FOXP2: variants seen among roughly 807,000 people sequenced by gnomAD.
FOXP2 encodes forkhead box P2.
A neutral mutation model predicts 115.8 loss-of-function variants in FOXP2; 12 were observed. The ratio of observed to expected loss-of-function variants is 0.10; its 90% CI spans 0.07 to 0.17. The LOEUF (loss-of-function observed/expected upper bound fraction) is 0.17. Ranked by LOEUF, FOXP2 falls within the 10% of genes least tolerant of loss-of-function variation. The pLI is 1.00. For synonymous variants in FOXP2, 328 were observed against 297.7 expected, an observed-to-expected ratio of 1.10 and a Z score of -1.05; for missense variants, 629 against 843.5, an observed-to-expected ratio of 0.75 and a Z score of 3.15.
chr7:114,521,688 TA>T (rs34624120), intron 2 of FOXP2, among the ~76,000 whole-genome samples: 1 of 152,194 alleles, frequency 6.6e-6, no homozygotes, highest in East Asian at 1.9e-4. Context: ...GATCTTCACT[TA>T]AAAAAATAAT....
intron 3 of FOXP2, among the ~76,000 whole-genome samples, chr7:114,616,065 G>A (rs1803932378): frequency 6.6e-6 from 1 of 152,084 alleles, no homozygotes. Flanking sequence ...TATACCCTTT[G>A]CAAGGACAGG....
intron 1 of FOXP2, among the ~76,000 whole-genome samples, chr7:114,265,932 G>A (rs1323576302): frequency 6.6e-6 from 1 of 152,122 alleles, no homozygotes; most frequent in African/African-American, 2.4e-5. Flanking sequence ...CTGAGGTTGT[G>A]CAGGGCAATA....
intron 8 of FOXP2, among the ~76,000 whole-genome samples, chr7:114,646,014 G>A (rs1340010136): frequency 1.0e-5 from 1 of 100,166 alleles, no homozygotes; most frequent in African/African-American, 3.6e-5. Context: ...TATAAGCAAA[G>A]AGACCATTAA....
intron 10 of FOXP2, among the ~76,000 whole-genome samples, chr7:114,654,971 A>G (rs1563062552): frequency 6.6e-6 from 1 of 152,134 alleles, no homozygotes; most frequent in African/African-American, 2.4e-5. Flanking sequence ...TAGAGATTAT[A>G]TTTAAACTCT....
At chr7:114,541,532 C>T (rs1034762639) in intron 3 of FOXP2, among the ~76,000 whole-genome samples, 7 of 151,830 alleles carry the variant, frequency 4.6e-5, no homozygotes, top group Non-Finnish European at 7.4e-5. Context: ...CTTTTAAATC[C>T]CCCTCATTCT....
intron 16 of FOXP2, among the ~76,000 whole-genome samples, chr7:114,681,358 T>G (rs957384515): frequency 6.6e-6 from 1 of 152,184 alleles, no homozygotes; most frequent in Non-Finnish European, 1.5e-5. Flanking sequence ...GGCTTATATA[T>G]ATTGCTACAT....
chr7:114,122,981 T>C (rs1015025532), intron 1 of FOXP2, among the ~76,000 whole-genome samples: 1 of 152,080 alleles, frequency 6.6e-6, no homozygotes, highest in Non-Finnish European at 1.5e-5. Flanking sequence ...AGCTGACGAT[T>C]GGTATTGAAT....
intron 2 of FOXP2, among the ~76,000 whole-genome samples, chr7:114,314,727 T>C (rs1433184074): frequency 6.6e-6 from 1 of 152,094 alleles, no homozygotes; most frequent in Non-Finnish European, 1.5e-5. Flanking sequence ...CATTATAAAT[T>C]TGGAAAGAAG....
At chr7:114,492,022 C>T (rs1158917357) in intron 2 of FOXP2, among the ~76,000 whole-genome samples, 1 of 152,150 alleles carries the variant, frequency 6.6e-6, no homozygotes. Flanking sequence ...TAGAATTCGG[C>T]TGTGAATCCA....
At chr7:114,382,890 T>C (rs2129192205) in intron 2 of FOXP2, among the ~76,000 whole-genome samples, 1 of 152,290 alleles carries the variant, frequency 6.6e-6, no homozygotes, top group East Asian at 1.9e-4. Flanking sequence ...CATCATTGAA[T>C]AATTCATAGC....
intron 2 of FOXP2, among the ~76,000 whole-genome samples, chr7:114,490,118 T>G (rs1796965661): frequency 6.6e-6 from 1 of 152,158 alleles, no homozygotes; most frequent in African/African-American, 2.4e-5. Flanking sequence ...AATCTGCATA[T>G]GAATGTTTAT....
chr7:114,369,059 T>A (rs1267037870), intron 2 of FOXP2, among the ~76,000 whole-genome samples: 2 of 152,236 alleles, frequency 1.3e-5, no homozygotes, highest in Non-Finnish European at 2.9e-5. Flanking sequence ...ATGTTGTTTC[T>A]GGCTGCTAGC....
chr7:114,543,220 A>C (rs1466124122), intron 3 of FOXP2, among the ~76,000 whole-genome samples: 1 of 152,222 alleles, frequency 6.6e-6, no homozygotes, highest in Non-Finnish European at 1.5e-5. Context: ...AAATGCTAAT[A>C]AATTACTATA....
At chr7:114,355,064 G>T (rs1372558473) in intron 2 of FOXP2, among the ~76,000 whole-genome samples, 1 of 152,052 alleles carries the variant, frequency 6.6e-6, no homozygotes, top group African/African-American at 2.4e-5. Flanking sequence ...TTGTTCTGTG[G>T]TGATAGAGTA....
At chr7:114,581,525 ATATACCTCC>A (rs1433070291) in intron 3 of FOXP2, among the ~76,000 whole-genome samples, 1 of 152,110 alleles carries the variant, frequency 6.6e-6, no homozygotes, top group East Asian at 1.9e-4. Flanking sequence ...GGAGTTTCTC[ATATACCTCC>A]TACACACATA....
At chr7:114,372,713 T>A (rs1041182295) in intron 2 of FOXP2, among the ~76,000 whole-genome samples, 1 of 151,948 alleles carries the variant, frequency 6.6e-6, no homozygotes, top group Non-Finnish European at 1.5e-5. Flanking sequence ...CTGTTAGGGT[T>A]TTTTTTTGGT....
At chr7:114,302,042 C>T (rs566288882) in intron 2 of FOXP2, among the ~76,000 whole-genome samples, 26 of 152,248 alleles carry the variant, frequency 1.7e-4, no homozygotes, top group African/African-American at 4.6e-4. Flanking sequence ...ATCCCTGAGG[C>T]TGTTGATTAG....
intron 1 of FOXP2, among the ~76,000 whole-genome samples, chr7:114,212,787 AAAC>A (rs1448682531): frequency 2.6e-5 from 4 of 152,308 alleles, no homozygotes; most frequent in Middle Eastern, 3.4e-3. Context: ...TTTCTGAGAA[AAAC>A]AACAACAACA....
intron 1 of FOXP2, among the ~76,000 whole-genome samples, chr7:114,277,092 G>A (rs770301593): frequency 5.9e-5 from 9 of 152,106 alleles, no homozygotes; most frequent in Non-Finnish European, 8.8e-5. Context: ...GGGTTTAGAA[G>A]TCGGAACCCA....
Sources: allele counts gnomAD v4.1 joint callset (sites outside exome capture counted in the v4.1 genomes callset), GRCh38; gene constraint gnomAD v4.1.1; transcripts MANE v1.5; gene names NCBI Gene and HGNC (gene_info 2026-07-23, HGNC 2026-07-21).